RGS17: variants seen among roughly 807,000 people sequenced by gnomAD.
The protein encoded by RGS17 is regulator of G-protein signaling 17.
Under a neutral mutation model 25.5 loss-of-function variants are expected in RGS17, and 12 were observed. That is an observed-to-expected ratio of 0.47 (90% CI 0.30 to 0.76). The LOEUF (loss-of-function observed/expected upper bound fraction) is 0.76. RGS17 is among the 30% of genes least tolerant of loss of function. The probability of loss-of-function intolerance (pLI) is 0.07; values close to 1 mark genes in which losing one functional copy is unlikely to be tolerated. For synonymous variants in RGS17, 71 were observed against 76.9 expected, an observed-to-expected ratio of 0.92 and a Z score of 0.40; for missense variants, 196 against 242.2, an observed-to-expected ratio of 0.81 and a Z score of 1.27.
chr6:153,016,563 T>C (rs1395393982), intron 4 of RGS17, among the ~76,000 whole-genome samples: 1 of 152,228 alleles, frequency 6.6e-6, no homozygotes, highest in African/African-American at 2.4e-5. Context: ...ATTAAATGGC[T>C]TATGTCCTCA....
intron 1 of RGS17, among the ~76,000 whole-genome samples, chr6:153,080,138 T>A (rs575215036): frequency 6.6e-6 from 1 of 152,108 alleles, no homozygotes; most frequent in African/African-American, 2.4e-5. Context: ...CACACCACCA[T>A]ACCCAGCTAA....
chr6:153,113,262 A>C (rs544951222), intron 1 of RGS17, among the ~76,000 whole-genome samples: 2 of 152,268 alleles, frequency 1.3e-5, no homozygotes, highest in East Asian at 3.9e-4. Flanking sequence ...AAAAAGAAAA[A>C]AAAGCAGGGT....
rs553356217 is a variant in RGS17, at chr6:153,068,603, G to T, written c.-25-24560C>A. ...CAACCAACGCAAAAATAGTCAAGAG[G>T]GATCACATCAAGTTAAAAAGCTTCT... On this transcript the variant is annotated intron_variant, in intron 1 of 4. Coordinates refer to ENST00000206262, the MANE Select transcript of RGS17 (RefSeq NM_012419.5). Among the ~76,000 whole-genome samples the T allele has an allele frequency of 7.3e-4, 111 of 152,116 alleles. 1 individual carries two copies. Among genetic ancestry groups the T allele is most frequent in the African/African-American group, 2.6e-3 (106 of 41,484 alleles).
At chr6:153,055,847 C>T (rs546217039) in intron 1 of RGS17, among the ~76,000 whole-genome samples, 26 of 152,328 alleles carry the variant, frequency 1.7e-4, no homozygotes, top group South Asian at 1.0e-3. Flanking sequence ...TAGCTGTCCA[C>T]AGTTTTACTC....
intron 1 of RGS17, among the ~76,000 whole-genome samples, chr6:153,087,404 C>A (rs993144679): frequency 6.6e-6 from 1 of 152,170 alleles, no homozygotes; most frequent in Non-Finnish European, 1.5e-5. Context: ...CTATCGAAAG[C>A]TATCTATCGA....
At chr6:153,060,606 G>C (rs1776620009) in intron 1 of RGS17, among the ~76,000 whole-genome samples, 1 of 152,088 alleles carries the variant, frequency 6.6e-6, no homozygotes, top group African/African-American at 2.4e-5. Context: ...TTTCAATTAA[G>C]TTCCAACGAA....
chr6:153,059,328 T>A (rs1776605882), intron 1 of RGS17, among the ~76,000 whole-genome samples: 1 of 152,206 alleles, frequency 6.6e-6, no homozygotes, highest in African/African-American at 2.4e-5. Flanking sequence ...AGGCACCTTG[T>A]GTAGCTCAGC....
chr6:153,122,024 A>G (rs6557273), intron 1 of RGS17, among the ~76,000 whole-genome samples: 50,036 of 152,084 alleles, frequency 0.33, 8,782 homozygotes, highest in East Asian at 0.67. Flanking sequence ...GTTACATAAT[A>G]TAGCAGAGTT....
chr6:153,032,937 T>C (rs1381799328), intron 2 of RGS17, among the ~76,000 whole-genome samples: 1 of 152,188 alleles, frequency 6.6e-6, no homozygotes, highest in East Asian at 1.9e-4. Context: ...ACAAATAAAT[T>C]AGAAAAGGGT....
chr6:153,006,696 T>C lies in RGS17; in HGVS notation c.*4878A>G, dbSNP rs2129104213. On this transcript the variant is annotated 3_prime_UTR_variant, in exon 5 of 5. Coordinates refer to ENST00000206262, the MANE Select transcript of RGS17 (RefSeq NM_012419.5). Reference sequence around the variant, plus strand: ...AATAACAATTATTGACGTGATGCACTTTGATAAAATAATAATGTATGCCAC... The same window carrying C: ...AATAACAATTATTGACGTGATGCACCTTGATAAAATAATAATGTATGCCAC... 1 of 152,348 alleles carries C rather than the reference T, an allele frequency of 6.6e-6. No homozygotes were observed. The highest frequency in any genetic ancestry group is 1.9e-4 in the East Asian group (1 of 5,186). The allele number at this position is 152,348 out of a possible 1,614,324, so 9.4% of individuals were successfully genotyped here.
intron 2 of RGS17, among the ~76,000 whole-genome samples, chr6:153,041,163 C>G (rs891647390): frequency 6.6e-6 from 1 of 151,904 alleles, no homozygotes; most frequent in African/African-American, 2.4e-5. Context: ...GATTTTGTCT[C>G]AAATACAAAT....
At chr6:153,110,772 G>A (rs1167423198) in intron 1 of RGS17, among the ~76,000 whole-genome samples, 2 of 152,310 alleles carry the variant, frequency 1.3e-5, no homozygotes, top group South Asian at 2.1e-4. Context: ...GACAGTGGGT[G>A]CAGCCCACAG....
At chr6:153,023,916 C>T (rs1779271728) in intron 4 of RGS17, among the ~76,000 whole-genome samples, 1 of 152,210 alleles carries the variant, frequency 6.6e-6, no homozygotes, top group South Asian at 2.1e-4. Flanking sequence ...TTCTCATTCA[C>T]ATGATCTAGG....
intron 2 of RGS17, among the ~76,000 whole-genome samples, chr6:153,037,065 C>T (rs1776253992): frequency 6.6e-6 from 1 of 152,036 alleles, no homozygotes; most frequent in Non-Finnish European, 1.5e-5. Context: ...CCCTAGTCTT[C>T]TATTTTGTTC....
chr6:153,050,984 GTTC>G (rs967283590), intron 1 of RGS17, among the ~76,000 whole-genome samples: 10 of 152,182 alleles, frequency 6.6e-5, no homozygotes, highest in African/African-American at 2.4e-4. Context: ...CAGAGAGTTG[GTTC>G]TTCTTCTCTC....
At chr6:153,023,093 T>C (rs576692887) in intron 4 of RGS17, among the ~76,000 whole-genome samples, 1 of 152,326 alleles carries the variant, frequency 6.6e-6, no homozygotes, top group Non-Finnish European at 1.5e-5. Flanking sequence ...TAAAAAAAAC[T>C]ATATAACTTA....
rs1776507137 is a variant in RGS17, at chr6:153,054,000, AC to A, written c.-25-9958del. Among the ~76,000 whole-genome samples, 3 of 50,756 alleles carry A rather than the reference AC, an allele frequency of 5.9e-5. 1 individual carries two copies. Among genetic ancestry groups the A allele is most frequent in the East Asian group, 1.2e-3 (2 of 1,648 alleles). 33.3% of individuals were successfully genotyped at this position (50,756 alleles called of 152,430 possible). A position where few individuals can be genotyped will look rare whatever the true frequency, so the allele number is the denominator to read the frequency against. On this transcript the variant is annotated intron_variant, in intron 1 of 4. Transcript: ENST00000206262. ...ATGTATATATGTATATAATATATAT[AC>A]ATATATACGTATATATGTATATAAT...
At chr6:153,066,962 C>T (rs1776717115) in intron 1 of RGS17, among the ~76,000 whole-genome samples, 2 of 152,046 alleles carry the variant, frequency 1.3e-5, no homozygotes, top group Non-Finnish European at 2.9e-5. Flanking sequence ...ATGGCGTGTA[C>T]CTGGGAGGCG....
intron 1 of RGS17, among the ~76,000 whole-genome samples, chr6:153,083,457 C>A (rs986904183): frequency 6.6e-6 from 1 of 151,972 alleles, no homozygotes; most frequent in Admixed American, 6.5e-5. Flanking sequence ...TTTCTAATTT[C>A]TTTTTAATTT....
Sources: allele counts gnomAD v4.1 joint callset (sites outside exome capture counted in the v4.1 genomes callset), GRCh38; gene constraint gnomAD v4.1.1; transcripts MANE v1.5; gene names NCBI Gene and HGNC (gene_info 2026-07-23, HGNC 2026-07-21).